OR5D3: variants seen among roughly 807,000 people sequenced by gnomAD.
The protein encoded by OR5D3 is olfactory receptor 5D3.
chr11:55,724,182 C>A, the OR5D3 span: 2 of 385,786 alleles, frequency 5.2e-6, no homozygotes, highest in Non-Finnish European at 9.2e-6. Context: ...ATTCAACAAG[C>A]AGAGGACCTA....
the OR5D3 span, chr11:55,726,621 G>A: frequency 3.5e-5 from 14 of 401,630 alleles, no homozygotes; most frequent in Middle Eastern, 4.5e-4. Flanking sequence ...CAGTTGCAAT[G>A]TCCCAGAGGC....
chr11:55,726,864 C>T, the OR5D3 span: 1 of 399,044 alleles, frequency 2.5e-6, no homozygotes, highest in Non-Finnish European at 4.4e-6. Context: ...TTCTCACTTC[C>T]TATGCTTTCA....
chr11:55,726,054 G>T, the OR5D3 span, among the ~76,000 whole-genome samples: 1 of 151,714 alleles, frequency 6.6e-6, no homozygotes, highest in Non-Finnish European at 1.5e-5. Flanking sequence ...TTTTATATAA[G>T]TACTCTACCT....
chr11:55,726,312 C>T, the OR5D3 span: 1 of 441,008 alleles, frequency 2.3e-6, no homozygotes. Context: ...TCTTCCTGAC[C>T]ATCTACACAA....
At chr11:55,727,732 G>T in the OR5D3 span, 2 of 151,726 alleles carry the variant, frequency 1.3e-5, no homozygotes, top group Admixed American at 1.3e-4. Context: ...AAATATTTTT[G>T]CAAATAAATG....
the OR5D3 span, chr11:55,726,236 C>T: frequency 2.5e-6 from 1 of 400,790 alleles, no homozygotes; most frequent in Non-Finnish European, 4.4e-6. Context: ...AATCAGACTG[C>T]TGGAGTCACC....
chr11:55,724,123 C>T, the OR5D3 span: 1 of 394,876 alleles, frequency 2.5e-6, no homozygotes, highest in East Asian at 3.6e-5. Context: ...AATCTTAGTA[C>T]CAGACAAACA....
At chr11:55,727,022 T>C in the OR5D3 span, 1 of 401,932 alleles carries the variant, frequency 2.5e-6, no homozygotes, top group Non-Finnish European at 4.4e-6. Context: ...TCATGGCTCA[T>C]GGTCAAGGTG....
the OR5D3 span, chr11:55,726,680 C>G: frequency 4.0e-5 from 16 of 399,570 alleles, no homozygotes; most frequent in South Asian, 1.5e-3. Flanking sequence ...TTAGTTTGTT[C>G]CTTAACATAC....
chr11:55,724,790 A>C, the OR5D3 span, among the ~76,000 whole-genome samples: 1 of 152,052 alleles, frequency 6.6e-6, no homozygotes, highest in Non-Finnish European at 1.5e-5. Context: ...GTGACTGGGA[A>C]ATACAGTCAT....
the OR5D3 span, chr11:55,727,668 A>T: frequency 3.3e-5 from 5 of 152,090 alleles, no homozygotes; most frequent in Non-Finnish European, 5.9e-5. Flanking sequence ...AAGTTAAGTT[A>T]TACTTGGTAT....
the OR5D3 span, among the ~76,000 whole-genome samples, chr11:55,725,837 A>G: frequency 6.6e-6 from 1 of 152,098 alleles, no homozygotes; most frequent in African/African-American, 2.4e-5. Flanking sequence ...GAGGTACAGC[A>G]GGAATGAAAC....
the OR5D3 span, chr11:55,723,984 A>G: frequency 4.5e-5 from 18 of 397,904 alleles, no homozygotes; most frequent in Non-Finnish European, 6.2e-5. Flanking sequence ...AAGCGGGAGC[A>G]TTATTGGAGT....
chr11:55,724,062 G>C, the OR5D3 span: 1 of 395,664 alleles, frequency 2.5e-6, no homozygotes, highest in East Asian at 3.6e-5. Flanking sequence ...TAGGTGAGTT[G>C]ATTTAGTTTT....
chr11:55,726,011 C>T, the OR5D3 span, among the ~76,000 whole-genome samples: 3 of 151,896 alleles, frequency 2.0e-5, no homozygotes, highest in South Asian at 2.1e-4. Flanking sequence ...TTTTATTATT[C>T]CATTCACAAA....
the OR5D3 span, among the ~76,000 whole-genome samples, chr11:55,725,192 AC>A: frequency 6.6e-6 from 1 of 152,044 alleles, no homozygotes; most frequent in Admixed American, 6.5e-5. Flanking sequence ...GTGTTTTATA[AC>A]CACTACATTC....
the OR5D3 span, among the ~76,000 whole-genome samples, chr11:55,725,751 T>C: frequency 6.6e-6 from 1 of 152,060 alleles, no homozygotes; most frequent in Non-Finnish European, 1.5e-5. Context: ...AATAAACTGT[T>C]AAATTTACCA....
At chr11:55,725,035 C>G in the OR5D3 span, among the ~76,000 whole-genome samples, 18 of 152,134 alleles carry the variant, frequency 1.2e-4, no homozygotes, top group East Asian at 2.9e-3. Flanking sequence ...GAAACTGATT[C>G]TCTGCATTGT....
chr11:55,723,854 C>T, the OR5D3 span: 28,775 of 370,314 alleles, frequency 0.078, 1,372 homozygotes, highest in Non-Finnish European at 0.1. Context: ...GACCTTATCT[C>T]TGCTATCTAT....
Sources: gnomAD v4.1 joint callset for allele counts (sites outside exome capture counted in the v4.1 genomes callset) on GRCh38, gnomAD v4.1.1 for gene constraint, MANE v1.5 for transcripts, NCBI Gene and HGNC (gene_info 2026-07-23, HGNC 2026-07-21) for gene names.